Variants in ERMAP observed in about 807,000 individuals in gnomAD.
ERMAP encodes the protein erythroid membrane-associated protein.
A neutral mutation model predicts 49.5 loss-of-function variants in ERMAP; 34 were observed. That is an observed-to-expected ratio of 0.69 (90% CI 0.52 to 0.91). The LOEUF is 0.91. Ranked by LOEUF, ERMAP falls within the 40% of genes least tolerant of loss-of-function variation. The pLI is 0.00. For missense variants in ERMAP, 541 were observed against 582.6 expected (o/e 0.93, Z 0.74); for synonymous variants, 214 against 232.2 (o/e 0.92, Z 0.71).
chr1:42,820,805 T>TC (rs1259207087), intron 1 of ERMAP, among the ~76,000 whole-genome samples: 1 of 152,204 alleles, frequency 6.6e-6, no homozygotes, highest in African/African-American at 2.4e-5. Flanking sequence ...CTAGATTGTC[T>TC]CTGTTGTTTA....
chr1:42,839,105 T>C, intron 8 of ERMAP, 184 bp downstream of exon 8: 1 of 814,212 alleles, frequency 1.2e-6, no homozygotes, highest in Non-Finnish European at 2.0e-6. Context: ...TCCTCTTTCC[T>C]GCACAACTAT....
At position 42,819,707 on chromosome 1, in the gene ERMAP, G is replaced by A. The variant is rs74070056; in HGVS notation, c.-122+2454G>A. 0.012 allele frequency among the ~76,000 whole-genome samples: 1,815 copies of A among 151,118 alleles called. 33 individuals carry two copies. Among genetic ancestry groups the A allele is most frequent in the African/African-American group, 0.041 (1,705 of 41,234 alleles). ...AGAGGTGGGCTCAAGTGATCCTCCC[G>A]CTTCAGCCCCTCAGTGGCTGGTACT... On this transcript the variant is annotated intron_variant, in intron 1 of 11. Coordinates refer to ENST00000372517, the MANE Select transcript of ERMAP (RefSeq NM_001017922.2). The surrounding 1 kb of genome is among the most constrained non-coding windows in gnomAD (Gnocchi z 5.1).
intron 2 of ERMAP, among the ~76,000 whole-genome samples, chr1:42,828,264 G>A (rs1335306341): frequency 6.6e-6 from 1 of 151,928 alleles, no homozygotes; most frequent in Non-Finnish European, 1.5e-5. Context: ...CTAACAGAAG[G>A]ACTTCATTTG....
chr1:42,836,437 G>A (rs1654896047), intron 6 of ERMAP, among the ~76,000 whole-genome samples: 1 of 152,176 alleles, frequency 6.6e-6, no homozygotes, highest in Non-Finnish European at 1.5e-5. Flanking sequence ...AAAGTGGCAG[G>A]GGTGAGGCTG....
In ERMAP at chr1:42,830,907, G is replaced by C; in HGVS notation, c.225G>C (p.Gln75His). Residue 75 changes from glutamine to histidine, a missense_variant, in exon 4 of 12, where the codon CAG (glutamine) becomes CAC (histidine). Physicochemically the swap from Gln to His is conservative, Grantham distance 24. Coordinates refer to ENST00000372517, the MANE Select transcript of ERMAP (RefSeq NM_001017922.2). ...GGTCCCCATTCCCGCAGCGCTCCCA[G>C]GCTGTTCACATATTCCGGGATGGGA... ...WLRSPFPQRS[Q>H]AVHIFRDGKD... 1 of 1,614,150 alleles carries C rather than the reference G, an allele frequency of 6.2e-7. No individual in the cohort carries two copies. Among genetic ancestry groups the C allele is most frequent in the Non-Finnish European group, 8.5e-7 (1 of 1,180,000 alleles).
intron 7 of ERMAP, chr1:42,837,786 C>T (rs1229469886): frequency 6.6e-6 from 1 of 152,336 alleles, no homozygotes; most frequent in Admixed American, 6.5e-5. Context: ...CTGTGGGCCA[C>T]TGAGTTGGAC....
intron 2 of ERMAP, among the ~76,000 whole-genome samples, chr1:42,828,498 A>AATTTT (rs1553149449): frequency 7.0e-6 from 1 of 142,024 alleles, no homozygotes; most frequent in African/African-American, 2.6e-5. Flanking sequence ...TTTTAAAAAA[A>AATTTT]TTTTTTTTTT....
chr1:42,842,918 T>C lies in ERMAP; in HGVS notation c.1114T>C (p.Tyr372His). Reference sequence around the variant, plus strand: ...CTATGAAGCAGGAGTCATCTCTTTCTACAATGTGACCAACAAGTCCCACAT... The same window carrying C: ...CTATGAAGCAGGAGTCATCTCTTTCCACAATGTGACCAACAAGTCCCACAT... ...LDYEAGVISF[Y>H]NVTNKSHIFT... is the part of the protein sequence containing the mutation. The change falls in exon 12 of 12, where the codon TAC (tyrosine) becomes CAC (histidine). Residue 372 changes from tyrosine (Y) to histidine (H), a missense_variant. Transcript: ENST00000372517. 1 of 1,614,210 alleles carries C rather than the reference T, an allele frequency of 6.2e-7. No individual in the cohort carries two copies.
rs61739633 is a variant in ERMAP, at chr1:42,844,376, A to G, written c.*1144A>G. 2.8e-6 allele frequency: 1 copy of G among 359,492 alleles called. No individual in the cohort carries two copies. Among genetic ancestry groups the G allele is most frequent in the African/African-American group, 2.1e-5 (1 of 47,700 alleles). The allele number at this position is 359,492 out of a possible 1,614,324, so 22.3% of individuals were successfully genotyped here. On this transcript the variant is annotated 3_prime_UTR_variant, in exon 12 of 12. Transcript: ENST00000372517. The surrounding 1 kb of genome is among the most constrained non-coding windows in gnomAD (Gnocchi z 4.0). ...AGTTTGCAGATGAATACACAGTTCT[A>G]TCCAACAGAAACTGTATCTTTCTGT...
intron 1 of ERMAP, among the ~76,000 whole-genome samples, chr1:42,822,210 GTC>G (rs1654423599): frequency 6.6e-6 from 1 of 150,424 alleles, no homozygotes; most frequent in Non-Finnish European, 1.5e-5. Flanking sequence ...TTAAGATGGA[GTC>G]TCACTCTCTC....
Position 42,843,221 on chromosome 1 carries a change from C to T in ERMAP, c.1417C>T (p.Pro473Ser), listed in dbSNP as rs549792217. The T allele has an allele frequency of 3.5e-4, 556 of 1,581,558 alleles. 5 individuals are homozygous for T. In the South Asian group the frequency reaches 6.2e-3, roughly 18 times the overall value. ...LGPALQELKA[P>S]SF ...CCCAGCCCTTCAGGAGCTCAAGGCT[C>T]CTTCTTTTTAGGGATATGCCACATT... Residue 473 changes from proline (P) to serine (S), a missense_variant, in exon 12 of 12, where the codon CCT becomes TCT. By Grantham distance (74) the Pro-to-Ser change is moderately conservative. Transcript: ENST00000372517.
intron 2 of ERMAP, chr1:42,829,913 A>C (rs1303773939): frequency 6.4e-6 from 1 of 155,418 alleles, no homozygotes; most frequent in East Asian, 1.9e-4. Context: ...TCAGGATGAC[A>C]TGGAGGGACC....
intron 1 of ERMAP, among the ~76,000 whole-genome samples, chr1:42,823,048 T>A (rs1399371621): frequency 6.6e-6 from 1 of 152,224 alleles, no homozygotes; most frequent in Non-Finnish European, 1.5e-5. Context: ...TGCTGCAGTA[T>A]GTTTTGTGGT....
At chr1:42,822,013 T>TA (rs534622784) in intron 1 of ERMAP, among the ~76,000 whole-genome samples, 2,959 of 115,842 alleles carry the variant, frequency 0.026, 109 homozygotes, top group African/African-American at 0.084. Context: ...ACCCTAGCTC[T>TA]AAAAAAAAAA....
chr1:42,833,147 G>C (rs1389308863), intron 4 of ERMAP, among the ~76,000 whole-genome samples: 1 of 152,208 alleles, frequency 6.6e-6, no homozygotes, highest in Non-Finnish European at 1.5e-5. Flanking sequence ...TAAAAGCTGG[G>C]GTGGAAACAG....
At chr1:42,825,826 CT>C (rs1202028113) in intron 2 of ERMAP, 88 bp downstream of exon 2, 8 of 1,248,600 alleles carry the variant, frequency 6.4e-6, no homozygotes, top group Non-Finnish European at 8.3e-6. Flanking sequence ...CCCCTTTCTC[CT>C]TACGCACAAG....
At chr1:42,824,347 CAA>C (rs35093689) in intron 1 of ERMAP, 6 of 137,710 alleles carry the variant, frequency 4.4e-5, no homozygotes, top group Non-Finnish European at 4.7e-5. Context: ...GACTCTGTCT[CAA>C]AAAAAAAAAA....
chr1:42,839,061 C>A, intron 8 of ERMAP, 140 bp downstream of exon 8: 1 of 1,230,652 alleles, frequency 8.1e-7, no homozygotes, highest in Non-Finnish European at 1.2e-6. Context: ...GCTTTCTTGG[C>A]TCTCAAAGGC....
chr1:42,844,128 A>C lies in ERMAP; in HGVS notation c.*896A>C, dbSNP rs1655147064. On this transcript the variant is annotated 3_prime_UTR_variant, in exon 12 of 12. Transcript: ENST00000372517. This position sits in a 1 kb window ranked among gnomAD's most constrained non-coding sequence, Gnocchi z 4.0. ...GTGGCAGTTTTAACCACCAACGTAG[A>C]AGCTTTTTTTTCCCCACAAGACCAT... 2.5e-6 allele frequency: 1 copy of C among 398,514 alleles called. No homozygotes were observed. The highest frequency in any genetic ancestry group is 2.1e-5 in the African/African-American group (1 of 48,636). 24.7% of individuals were successfully genotyped at this position (398,514 alleles called of 1,614,324 possible).
Sources: gnomAD v4.1 joint callset for allele counts (sites outside exome capture counted in the v4.1 genomes callset) on GRCh38, gnomAD v4.1.1 for gene constraint, Gnocchi (gnomAD v3.1) non-coding constraint, MANE v1.5 for transcripts, NCBI Gene and HGNC (gene_info 2026-07-23, HGNC 2026-07-21) for gene names.